The following UNC5C variants were observed in gnomAD, a reference collection of about 807,000 sequenced individuals.
UNC5C encodes unc-5 netrin receptor C.
UNC5C carries 47 observed loss-of-function variants against 99.8 expected under a neutral mutation model. The ratio of observed to expected loss-of-function variants is 0.47; its 90% CI spans 0.37 to 0.60. The LOEUF is 0.60. Ranked by LOEUF, UNC5C falls within the 20% of genes least tolerant of loss-of-function variation. UNC5C has a pLI of 0.00. For synonymous variants in UNC5C, 487 were observed against 452.2 expected, an observed-to-expected ratio of 1.08 and a Z score of -0.98; for missense variants, 1,062 against 1,165.9, an observed-to-expected ratio of 0.91 and a Z score of 1.30.
intron 2 of UNC5C, among the ~76,000 whole-genome samples, chr4:95,313,958 G>T (rs1742374052): frequency 1.3e-5 from 2 of 152,124 alleles, no homozygotes; most frequent in African/African-American, 4.8e-5. Flanking sequence ...TGTGAAATAA[G>T]ACTAAAAATG....
intron 1 of UNC5C, among the ~76,000 whole-genome samples, chr4:95,468,128 G>T (rs1385071636): frequency 2.1e-5 from 3 of 140,572 alleles, no homozygotes; most frequent in African/African-American, 7.8e-5. Flanking sequence ...TGTTTTTTGG[G>T]TTTTTTTTTT....
At position 95,432,421 on chromosome 4, in the gene UNC5C, G is replaced by C. The variant is rs560061438; in HGVS notation, c.125-96790C>G. On this transcript the variant is annotated intron_variant, in intron 1 of 15. Transcript: ENST00000453304. ...TGTCTGATGGCCTGTCAGAAAAAGA[G>C]GGATAATCATACAGTTTTCCAAATG... Among the ~76,000 whole-genome samples the C allele has an allele frequency of 5.5e-4, 84 of 152,028 alleles. 4 individuals carry two copies. The highest frequency in any genetic ancestry group is 6.5e-4 in the Non-Finnish European group (44 of 67,970).
chr4:95,535,543 T>G (rs997087946), intron 1 of UNC5C, among the ~76,000 whole-genome samples: 1 of 152,182 alleles, frequency 6.6e-6, no homozygotes, highest in African/African-American at 2.4e-5. Context: ...TTAATTACAA[T>G]TCTATGATGT....
At chr4:95,480,478 T>C (rs942089586) in intron 1 of UNC5C, among the ~76,000 whole-genome samples, 1 of 151,860 alleles carries the variant, frequency 6.6e-6, no homozygotes, top group Non-Finnish European at 1.5e-5. Flanking sequence ...TTGTGAAGAA[T>C]TTTCTCAAAG....
intron 12 of UNC5C, among the ~76,000 whole-genome samples, chr4:95,189,131 C>T (rs992555533): frequency 1.3e-5 from 2 of 152,186 alleles, no homozygotes; most frequent in South Asian, 2.1e-4. Context: ...GAAACCTGAA[C>T]GTCAAGTTCC....
At chr4:95,268,413 T>C (rs1740532938) in intron 4 of UNC5C, among the ~76,000 whole-genome samples, 1 of 152,208 alleles carries the variant, frequency 6.6e-6, no homozygotes, top group African/African-American at 2.4e-5. Context: ...CCAATTAAAT[T>C]CTTTGCAGAG....
chr4:95,214,838 A>C (rs183437967), intron 10 of UNC5C, among the ~76,000 whole-genome samples: 127 of 152,326 alleles, frequency 8.3e-4, no homozygotes, highest in African/African-American at 2.8e-3. Context: ...GAGTTTGCTG[A>C]TCTTCTTTTC....
chr4:95,435,069 G>A (rs780972458), intron 1 of UNC5C, among the ~76,000 whole-genome samples: 10 of 152,036 alleles, frequency 6.6e-5, no homozygotes, highest in Non-Finnish European at 2.9e-5. Context: ...CAGTGCCATG[G>A]TTGCTTGTAC....
At chr4:95,547,840 C>G (rs531363053) in intron 1 of UNC5C, among the ~76,000 whole-genome samples, 2 of 152,204 alleles carry the variant, frequency 1.3e-5, no homozygotes, top group Non-Finnish European at 2.9e-5. Context: ...GCGATCAGCT[C>G]CGGAGCCTCC....
chr4:95,248,472 C>A (rs745613593), intron 5 of UNC5C: 2 of 447,614 alleles, frequency 4.5e-6, no homozygotes, highest in Non-Finnish European at 8.9e-6. Context: ...GTAACTTCCC[C>A]GTGGTCTCAA....
intron 7 of UNC5C, among the ~76,000 whole-genome samples, chr4:95,239,096 T>G (rs1396665121): frequency 6.6e-6 from 1 of 152,174 alleles, no homozygotes; most frequent in Admixed American, 6.5e-5. Flanking sequence ...CTTGGGTGAT[T>G]GGGAACTTTG....
At chr4:95,431,014 C>G (rs1746621796) in intron 1 of UNC5C, among the ~76,000 whole-genome samples, 1 of 152,094 alleles carries the variant, frequency 6.6e-6, no homozygotes, top group African/African-American at 2.4e-5. Context: ...CAGATTTATA[C>G]ACTTGTGGAC....
chr4:95,275,128 G>A (rs1740812071), intron 4 of UNC5C, among the ~76,000 whole-genome samples: 1 of 152,116 alleles, frequency 6.6e-6, no homozygotes, highest in Non-Finnish European at 1.5e-5. Flanking sequence ...GTTGTTGAAA[G>A]AGCATTTCCT....
intron 1 of UNC5C, among the ~76,000 whole-genome samples, chr4:95,463,528 G>A (rs898757306): frequency 2.0e-5 from 3 of 152,104 alleles, no homozygotes; most frequent in Non-Finnish European, 2.9e-5. Flanking sequence ...AGGAGGAAAC[G>A]TGGGGGTTTC....
chr4:95,536,523 C>T (rs540788022), intron 1 of UNC5C, among the ~76,000 whole-genome samples: 3 of 152,152 alleles, frequency 2.0e-5, no homozygotes, highest in Non-Finnish European at 4.4e-5. Flanking sequence ...TGTCCTATTT[C>T]AGTCAGTCTG....
At chr4:95,216,645 A>C (rs754400304) in intron 9 of UNC5C, among the ~76,000 whole-genome samples, 1 of 152,218 alleles carries the variant, frequency 6.6e-6, no homozygotes, top group Non-Finnish European at 1.5e-5. Context: ...GGTTAGCATC[A>C]ATGTAATTCC....
intron 1 of UNC5C, among the ~76,000 whole-genome samples, chr4:95,503,349 C>G (rs1023701633): frequency 9.9e-5 from 15 of 151,910 alleles, no homozygotes; most frequent in Admixed American, 5.9e-4. Flanking sequence ...AACTTTTTTT[C>G]TTTTTAAATT....
chr4:95,358,621 T>C (rs1476311409), intron 1 of UNC5C, among the ~76,000 whole-genome samples: 3 of 152,190 alleles, frequency 2.0e-5, no homozygotes, highest in Non-Finnish European at 4.4e-5. Flanking sequence ...CACTTCTCCT[T>C]AACATTTTAC....
At chr4:95,525,543 T>G (rs1722474694) in intron 1 of UNC5C, among the ~76,000 whole-genome samples, 1 of 128,884 alleles carries the variant, frequency 7.8e-6, no homozygotes, top group African/African-American at 3.0e-5. Flanking sequence ...CCTAAGACAG[T>G]ACATTAAAAA....
Sources: gnomAD v4.1 joint callset for allele counts (sites outside exome capture counted in the v4.1 genomes callset) on GRCh38, gnomAD v4.1.1 for gene constraint, MANE v1.5 for transcripts, NCBI Gene and HGNC (gene_info 2026-07-23, HGNC 2026-07-21) for gene names.